MACROD2: variants seen among roughly 807,000 people sequenced by gnomAD.
MACROD2 encodes the protein mono-ADP ribosylhydrolase 2, also known as ADP-ribose glycohydrolase MACROD2.
In MACROD2, 36 loss-of-function variants were observed where a neutral mutation model predicts 70.4. The observed-to-expected ratio is 0.51, with a 90% confidence interval of 0.39 to 0.68. The LOEUF is 0.68. Among genes scored for constraint, MACROD2 ranks in the 30% least tolerant of loss-of-function variants. The pLI, the probability that MACROD2 is intolerant of heterozygous loss-of-function variation, is 0.00. For synonymous variants in MACROD2, 172 were observed against 178.8 expected (o/e 0.96, Z 0.30); for missense variants, 496 against 538.4 (o/e 0.92, Z 0.78).
At chr20:14,951,736 C>T (rs1446586691) in intron 5 of MACROD2, among the ~76,000 whole-genome samples, 1 of 152,004 alleles carries the variant, frequency 6.6e-6, no homozygotes, top group Non-Finnish European at 1.5e-5. Context: ...TCTGACAATC[C>T]TCCATGCTTA....
At chr20:15,727,870 A>G (rs1402325175) in intron 8 of MACROD2, among the ~76,000 whole-genome samples, 1 of 152,162 alleles carries the variant, frequency 6.6e-6, no homozygotes, top group East Asian at 1.9e-4. Context: ...ATATTTTGCA[A>G]ACAGGAACAG....
At chr20:14,264,570 G>C (rs1318062384) in intron 3 of MACROD2, among the ~76,000 whole-genome samples, 1 of 152,192 alleles carries the variant, frequency 6.6e-6, no homozygotes, top group African/African-American at 2.4e-5. Flanking sequence ...GATGATAACA[G>C]TAAAGAGTAG....
chr20:15,461,690 C>G (rs1048606385), intron 7 of MACROD2, among the ~76,000 whole-genome samples: 1 of 152,154 alleles, frequency 6.6e-6, no homozygotes, highest in African/African-American at 2.4e-5. Context: ...TGCAAAACTT[C>G]TCATTGTCGA....
intron 5 of MACROD2, among the ~76,000 whole-genome samples, chr20:14,826,002 T>C (rs2072898258): frequency 6.6e-6 from 1 of 152,170 alleles, no homozygotes; most frequent in South Asian, 2.1e-4. Flanking sequence ...GTTTGGGTTG[T>C]ACTGAAGAGC....
chr20:14,120,213 C>CAAAAAA (rs71190112), intron 3 of MACROD2, among the ~76,000 whole-genome samples: 3 of 76,998 alleles, frequency 3.9e-5, no homozygotes, highest in African/African-American at 5.6e-5. Flanking sequence ...GACTCCGTCT[C>CAAAAAA]AAAAAAAAAA....
chr20:15,504,790 G>A lies in MACROD2; in HGVS notation c.645+4943G>A, dbSNP rs1185031242. ...CTAAGTGCACCATTTTTCTCAAGTA[G>A]TAACTTTATTACAGAAATAGGTGAG... is the stretch of plus-strand genomic sequence containing the variant. On this transcript the variant is annotated intron_variant, in intron 8 of 17. Transcript: ENST00000684519. Among the ~76,000 whole-genome samples, 5 of 152,176 alleles carry A rather than the reference G, an allele frequency of 3.3e-5. No individual in the cohort carries two copies. The East Asian group carries it at 9.6e-4, about 29-fold the overall frequency.
intron 4 of MACROD2, among the ~76,000 whole-genome samples, chr20:14,617,451 G>A (rs1267858485): frequency 6.6e-6 from 1 of 152,018 alleles, no homozygotes; most frequent in African/African-American, 2.4e-5. Context: ...TGGTGAATAT[G>A]ATTCTATGCC....
At chr20:14,814,945 A>G (rs1382361298) in intron 5 of MACROD2, among the ~76,000 whole-genome samples, 2 of 152,052 alleles carry the variant, frequency 1.3e-5, no homozygotes, top group South Asian at 4.1e-4. Context: ...GAATGAATGA[A>G]TGAATGAGTG....
intron 5 of MACROD2, among the ~76,000 whole-genome samples, chr20:15,054,946 CTTTTTTTTTT>C (rs10673344): frequency 8.3e-6 from 1 of 120,756 alleles, no homozygotes; most frequent in Non-Finnish European, 1.7e-5. Context: ...CCACATCTAG[CTTTTTTTTTT>C]TTTTTTTTTT....
At chr20:15,644,602 T>G (rs2049512799) in intron 8 of MACROD2, among the ~76,000 whole-genome samples, 1 of 152,220 alleles carries the variant, frequency 6.6e-6, no homozygotes, top group Non-Finnish European at 1.5e-5. Context: ...AATTAGTTTA[T>G]ACAGTTCTCA....
At chr20:14,133,440 A>T (rs2148700873) in intron 3 of MACROD2, among the ~76,000 whole-genome samples, 1 of 152,332 alleles carries the variant, frequency 6.6e-6, no homozygotes, top group South Asian at 2.1e-4. Context: ...TGGGACATAG[A>T]GGTAAAGTAG....
chr20:15,885,125 A>C (rs1568617658), intron 9 of MACROD2, among the ~76,000 whole-genome samples: 1 of 152,130 alleles, frequency 6.6e-6, no homozygotes. Flanking sequence ...AGAGACGACA[A>C]TGTGTCAGAA....
intron 7 of MACROD2, among the ~76,000 whole-genome samples, chr20:15,446,323 T>C (rs2046565043): frequency 6.6e-6 from 1 of 152,174 alleles, no homozygotes; most frequent in Admixed American, 6.5e-5. Context: ...CCTTTATAGT[T>C]AAAGGTGATG....
intron 4 of MACROD2, among the ~76,000 whole-genome samples, chr20:14,654,691 T>C (rs1985877550): frequency 6.6e-6 from 1 of 152,236 alleles, no homozygotes; most frequent in East Asian, 1.9e-4. Context: ...TATTTTGGTC[T>C]GGCAGTTCAT....
chr20:14,043,962 G>A (rs899241624), intron 2 of MACROD2, among the ~76,000 whole-genome samples: 2 of 152,184 alleles, frequency 1.3e-5, no homozygotes, highest in Admixed American at 1.3e-4. Flanking sequence ...TCACGATAAG[G>A]CTTCAGTGAA....
chr20:15,837,351 G>A (rs1413445229), intron 8 of MACROD2, among the ~76,000 whole-genome samples: 2 of 152,010 alleles, frequency 1.3e-5, no homozygotes, highest in African/African-American at 2.4e-5. Context: ...TTATTGAATG[G>A]GACCCCTTTT....
intron 10 of MACROD2, among the ~76,000 whole-genome samples, chr20:15,919,339 T>C (rs926836680): frequency 6.6e-6 from 1 of 152,212 alleles, no homozygotes; most frequent in African/African-American, 2.4e-5. Flanking sequence ...TGTCTTTTGA[T>C]GTGGCTTCTG....
At chr20:14,379,932 T>C (rs2083406132) in intron 3 of MACROD2, among the ~76,000 whole-genome samples, 1 of 152,158 alleles carries the variant, frequency 6.6e-6, no homozygotes, top group Admixed American at 6.5e-5. Flanking sequence ...ATTGTACAAG[T>C]ATCTACTTTC....
At chr20:14,780,088 T>G (rs1319783464) in intron 5 of MACROD2, among the ~76,000 whole-genome samples, 1 of 151,902 alleles carries the variant, frequency 6.6e-6, no homozygotes, top group Non-Finnish European at 1.5e-5. Context: ...AAACCAGGAG[T>G]GATGGCGAGT....
Sources: allele counts gnomAD v4.1 joint callset (sites outside exome capture counted in the v4.1 genomes callset), GRCh38; gene constraint gnomAD v4.1.1; transcripts MANE v1.5; gene names NCBI Gene and HGNC (gene_info 2026-07-23, HGNC 2026-07-21).